ELP3: variants seen among roughly 807,000 people sequenced by gnomAD.
ELP3 encodes the protein elongator acetyltransferase complex subunit 3.
Under a neutral mutation model 74.9 loss-of-function variants are expected in ELP3, and 56 were observed. The observed-to-expected ratio is 0.75, with a 90% CI of 0.60 to 0.93. ELP3 has a LOEUF of 0.93. ELP3 is among the 40% of genes least tolerant of loss of function. The pLI is 0.00. For missense variants in ELP3, 573 were observed against 686.5 expected, an observed-to-expected ratio of 0.83 and a Z score of 1.85; for synonymous variants, 222 against 239.8, an observed-to-expected ratio of 0.93 and a Z score of 0.68.
At chr8:28,097,444 G>T (rs1264421246) in intron 2 of ELP3, 126 bp downstream of exon 2, 3 of 592,772 alleles carry the variant, frequency 5.1e-6, no homozygotes, top group Middle Eastern at 3.1e-4. Context: ...TTTCTGCCTT[G>T]CCTTGTCATT....
chr8:28,148,425 CT>C (rs1813512906), intron 10 of ELP3, among the ~76,000 whole-genome samples: 1 of 152,174 alleles, frequency 6.6e-6, no homozygotes, highest in Admixed American at 6.5e-5. Context: ...TATAGCATGC[CT>C]ATATTATTCA....
chr8:28,109,363 A>G (rs761721078), intron 5 of ELP3, among the ~76,000 whole-genome samples: 15 of 152,094 alleles, frequency 9.9e-5, no homozygotes, highest in Admixed American at 3.9e-4. Flanking sequence ...CTAGGGTTCA[A>G]ATTTTTTAAA....
chr8:28,164,611 C>T lies in ELP3; in HGVS notation c.1567+2533C>T, dbSNP rs116426359. On this transcript the variant is annotated intron_variant, in intron 14 of 14. Transcript: ENST00000256398. Reference sequence around the variant, plus strand: ...CCATTGCTCTCTATAGGGGAAACTACGTACGCCTGGACTTTCTGTTTGACT... The same window carrying T: ...CCATTGCTCTCTATAGGGGAAACTATGTACGCCTGGACTTTCTGTTTGACT... Among the ~76,000 whole-genome samples the T allele has an allele frequency of 9.4e-3, 1,430 of 152,204 alleles. 19 individuals carry two copies. The highest frequency in any genetic ancestry group is 0.033 in the African/African-American group (1,360 of 41,552).
Position 28,129,648 on chromosome 8 carries a change from C to T in ELP3, c.764C>T (p.Ala255Val). 6.2e-7 allele frequency: 1 copy of T among 1,614,140 alleles called. No homozygotes were observed. Among genetic ancestry groups the T allele is most frequent in the Non-Finnish European group, 8.5e-7 (1 of 1,179,990 alleles). ...IGVQSVYEDV[A>V]RDTNRGHTVK... The stretch of plus-strand genomic sequence containing the variant: ...GTGCAGAGTGTTTATGAAGATGTGG[C>T]TAGAGACACCAACAGGTAAGATGGT... The change falls in exon 8 of 15, where the codon GCT becomes GTT. Residue 255 changes from alanine to valine, a missense_variant. By Grantham distance (64) the Ala-to-Val change is moderately conservative. Coordinates refer to ENST00000256398, the MANE Select transcript of ELP3 (RefSeq NM_018091.6).
chr8:28,186,975 T>C (rs1487172265), intron 14 of ELP3, among the ~76,000 whole-genome samples: 1 of 152,180 alleles, frequency 6.6e-6, no homozygotes, highest in Non-Finnish European at 1.5e-5. Context: ...TTCAGCATCT[T>C]GGCATGAATG....
At chr8:28,093,445 T>C in intron 1 of ELP3, 1 of 623,730 alleles carries the variant, frequency 1.6e-6, no homozygotes, top group Non-Finnish European at 2.8e-6. Flanking sequence ...CTCTTCCTCT[T>C]TGGCAGTCAC....
intron 14 of ELP3, among the ~76,000 whole-genome samples, chr8:28,176,888 G>A (rs1814779228): frequency 6.6e-6 from 1 of 152,112 alleles, no homozygotes; most frequent in Admixed American, 6.5e-5. Context: ...TGAATCAGTT[G>A]ATTGTGGGCC....
At chr8:28,146,753 T>G (rs1813448630) in intron 10 of ELP3, among the ~76,000 whole-genome samples, 1 of 152,232 alleles carries the variant, frequency 6.6e-6, no homozygotes. Context: ...AAAAAGACTT[T>G]GTCACTGAAA....
chr8:28,150,901 C>T (rs186788705), intron 10 of ELP3, among the ~76,000 whole-genome samples: 85 of 152,272 alleles, frequency 5.6e-4, no homozygotes, highest in Non-Finnish European at 1.0e-3. Context: ...CCAAGCCATT[C>T]TCCCACCTCA....
intron 10 of ELP3, 32 bp downstream of exon 10, chr8:28,137,923 T>TGGTGACTAG: frequency 6.6e-7 from 1 of 1,521,442 alleles, no homozygotes. Flanking sequence ...CTAAAATAGT[T>TGGTGACTAG]GGTGACTAGT....
At chr8:28,159,533 G>A (rs574925151) in intron 12 of ELP3, among the ~76,000 whole-genome samples, 2 of 152,262 alleles carry the variant, frequency 1.3e-5, no homozygotes, top group Admixed American at 6.5e-5. Flanking sequence ...ACTTTTCTCT[G>A]TGCGTGCAAT....
intron 2 of ELP3, 28 bp from the exon 3 acceptor site, chr8:28,099,800 T>C (rs759258976): frequency 2.8e-5 from 45 of 1,613,732 alleles, no homozygotes; most frequent in Non-Finnish European, 3.8e-5. Flanking sequence ...AACCGTAATC[T>C]TGATAATGTG....
rs150901381 is a variant in ELP3 at position 28,131,398 on chromosome 8, G to A, written c.780-880G>A. On this transcript the variant is annotated intron_variant, in intron 8 of 14. Transcript: ENST00000256398. ...TGCCTAGTGGCTGTCATTTTAAATA[G>A]TGCTGCTTTAAAGTATTGGTTATTT... 2.6e-3 allele frequency among the ~76,000 whole-genome samples: 389 copies of A among 152,278 alleles called. 1 individual carries two copies. Among genetic ancestry groups the A allele is most frequent in the Middle Eastern group, 6.8e-3 (2 of 294 alleles).
intron 1 of ELP3, among the ~76,000 whole-genome samples, chr8:28,096,327 A>G (rs1420882891): frequency 1.3e-5 from 2 of 152,240 alleles, no homozygotes; most frequent in African/African-American, 2.4e-5. Context: ...ATGCACTTGA[A>G]TCATCCTAAA....
intron 7 of ELP3, among the ~76,000 whole-genome samples, chr8:28,126,672 A>G (rs1482387348): frequency 6.6e-6 from 1 of 152,220 alleles, no homozygotes; most frequent in Non-Finnish European, 1.5e-5. Flanking sequence ...TCTAAGTGGC[A>G]CATACTGTTG....
chr8:28,180,139 C>T (rs1338747615), intron 14 of ELP3, among the ~76,000 whole-genome samples: 1 of 152,108 alleles, frequency 6.6e-6, no homozygotes, highest in Non-Finnish European at 1.5e-5. Flanking sequence ...GTTTGGGCTT[C>T]CTTGGGCTTC....
intron 3 of ELP3, among the ~76,000 whole-genome samples, chr8:28,103,169 CAAAA>C (rs55976562): frequency 0.12 from 18,549 of 151,788 alleles, 1,237 homozygotes; most frequent in East Asian, 0.31. Context: ...GATTCTGTCT[CAAAA>C]AAACAAACAA....
chr8:28,124,604 A>C (rs1217247479), intron 7 of ELP3, among the ~76,000 whole-genome samples: 4 of 152,206 alleles, frequency 2.6e-5, no homozygotes, highest in Non-Finnish European at 4.4e-5. Context: ...AAAGAATGCA[A>C]TATCTGTGAT....
At chr8:28,092,525 A>C (rs1346496782), upstream of ELP3, among the ~76,000 whole-genome samples, 5 of 152,162 alleles carry the variant, frequency 3.3e-5, no homozygotes, top group East Asian at 5.8e-4. Flanking sequence ...TGTGTGAGCC[A>C]CTGCGCCCGG....
Sources: allele counts gnomAD v4.1 joint callset (sites outside exome capture counted in the v4.1 genomes callset), GRCh38; gene constraint gnomAD v4.1.1; transcripts MANE v1.5; gene names NCBI Gene and HGNC (gene_info 2026-07-23, HGNC 2026-07-21).